The following ZNF362 variants were observed in gnomAD, a reference collection of about 807,000 sequenced individuals.
The protein encoded by ZNF362 is rotund homolog.
Under a neutral mutation model 42.9 loss-of-function variants are expected in ZNF362, and 11 were observed. The ratio of observed to expected loss-of-function variants is 0.26; its 90% CI spans 0.16 to 0.42. The LOEUF (loss-of-function observed/expected upper bound fraction) is 0.42. Ranked by LOEUF, ZNF362 falls within the 20% of genes least tolerant of loss-of-function variation. The pLI, the probability that ZNF362 is intolerant of heterozygous loss-of-function variation, is 1.00. For missense variants in ZNF362, 362 were observed against 576.2 expected, an observed-to-expected ratio of 0.63 and a Z score of 3.81; for synonymous variants, 255 against 257.3, an observed-to-expected ratio of 0.99 and a Z score of 0.09.
the ZNF362 span, among the ~76,000 whole-genome samples, chr1:33,233,595 G>C: frequency 1.1e-4 from 17 of 152,106 alleles, no homozygotes; most frequent in African/African-American, 3.1e-4. Flanking sequence ...GTAGAGACGG[G>C]GTTTCACCAT....
the ZNF362 span, among the ~76,000 whole-genome samples, chr1:33,128,045 A>G: frequency 1.3e-5 from 2 of 152,046 alleles, no homozygotes; most frequent in East Asian, 3.8e-4. Context: ...TCTACCTTAT[A>G]CCATTATTCT....
At chr1:33,136,172 T>TTCCTTCCC in the ZNF362 span, among the ~76,000 whole-genome samples, 291 of 109,968 alleles carry the variant, frequency 2.6e-3, 2 homozygotes, top group African/African-American at 9.0e-3. Context: ...CCTTCCTTCC[T>TTCCTTCCC]TCCCTCCCTC....
chr1:33,203,082 G>T, the ZNF362 span, among the ~76,000 whole-genome samples: 3 of 152,166 alleles, frequency 2.0e-5, no homozygotes. Flanking sequence ...TAGATCTCCA[G>T]ATTTGTTCAT....
At chr1:33,162,913 G>A in the ZNF362 span, 1 of 152,316 alleles carries the variant, frequency 6.6e-6, no homozygotes, top group Admixed American at 6.5e-5. Flanking sequence ...TTTTCTAGCT[G>A]TGGGACTTCA....
chr1:33,152,499 G>A, the ZNF362 span, among the ~76,000 whole-genome samples: 9 of 151,980 alleles, frequency 5.9e-5, no homozygotes, highest in South Asian at 2.1e-4. Flanking sequence ...TCTGGGAGGC[G>A]GAGGTTGTGG....
the ZNF362 span, among the ~76,000 whole-genome samples, chr1:33,154,819 C>T: frequency 9.5e-5 from 14 of 147,070 alleles, no homozygotes; most frequent in South Asian, 4.3e-4. Flanking sequence ...AGTGGCCAGG[C>T]GCGGTGATTC....
At position 33,281,917 on chromosome 1, in the gene ZNF362, C is replaced by A; in HGVS notation, c.908+106C>A. ...GGGGCAAGGACCTTCTCCAGGTGCC[C>A]ATTGCCCTCGGGGTCACGGCCCTTG... On this transcript the variant is annotated intron_variant, in intron 6 of 8. Transcript: ENST00000539719. The surrounding 1 kb of genome is among the most constrained non-coding windows in gnomAD (Gnocchi z 4.8). 1 of 1,219,462 alleles carries A rather than the reference C, an allele frequency of 8.2e-7. No individual in the cohort carries two copies. The highest frequency in any genetic ancestry group is 1.3e-5 in the South Asian group (1 of 74,480). The allele number at this position is 1,219,462 out of a possible 1,614,324, so 75.5% of individuals were successfully genotyped here. A position where few individuals can be genotyped will look rare whatever the true frequency, so the allele number is the denominator to read the frequency against.
the ZNF362 span, among the ~76,000 whole-genome samples, chr1:33,246,697 G>A: frequency 1.3e-5 from 2 of 152,220 alleles, no homozygotes; most frequent in East Asian, 3.8e-4. Flanking sequence ...TCAGTGTTTT[G>A]CAGGCCACGT....
At chr1:33,183,935 TG>T in the ZNF362 span, among the ~76,000 whole-genome samples, 1 of 152,082 alleles carries the variant, frequency 6.6e-6, no homozygotes, top group Non-Finnish European at 1.5e-5. Context: ...ATTGTCACTT[TG>T]CAACCCAGAG....
intron 1 of ZNF362, among the ~76,000 whole-genome samples, chr1:33,262,299 T>C (rs75073545): frequency 2.1e-4 from 1 of 4,752 alleles, no homozygotes; most frequent in South Asian, 8.8e-3. Flanking sequence ...TTAGGATTCT[T>C]TTTTTTTTTT....
chr1:33,230,768 CCAAA>C, the ZNF362 span, among the ~76,000 whole-genome samples: 13 of 152,328 alleles, frequency 8.5e-5, no homozygotes, highest in African/African-American at 3.1e-4. Flanking sequence ...CTTTGTTTAT[CCAAA>C]CAATGGCTGC....
the ZNF362 span, among the ~76,000 whole-genome samples, chr1:33,215,303 A>G: frequency 6.6e-6 from 1 of 152,018 alleles, no homozygotes; most frequent in Admixed American, 6.6e-5. Context: ...AAACAATTGA[A>G]CTCATGAAGA....
In ZNF362 at chr1:33,280,255, C is replaced by G; in HGVS notation, c.481C>G (p.Pro161Ala). ...TSQSRLIASS[P>A]TLISGITSPP... ...CCAGAGCCGCCTCATCGCCTCGTCC[C>G]CCACCCTCATCTCAGGGATCACCAG... The change falls in exon 5 of 9, where the codon CCC (proline) becomes GCC (alanine). Residue 161 changes from proline (P) to alanine (A), a missense_variant. Physicochemically the swap from Pro to Ala is conservative, Grantham distance 27. Coordinates refer to ENST00000539719, the MANE Select transcript of ZNF362 (RefSeq NM_152493.3). The surrounding 1 kb of genome is among the most constrained non-coding windows in gnomAD (Gnocchi z 5.6). The G allele has an allele frequency of 6.2e-7, 1 of 1,614,076 alleles. No homozygotes were observed. The highest frequency in any genetic ancestry group is 8.5e-7 in the Non-Finnish European group (1 of 1,179,932).
chr1:33,240,949 A>G, the ZNF362 span, among the ~76,000 whole-genome samples: 1 of 152,220 alleles, frequency 6.6e-6, no homozygotes, highest in African/African-American at 2.4e-5. Context: ...AGACTTTCCC[A>G]CGCAAAATGA....
At chr1:33,168,199 C>A in the ZNF362 span, among the ~76,000 whole-genome samples, 1 of 152,080 alleles carries the variant, frequency 6.6e-6, no homozygotes, top group Admixed American at 6.6e-5. Context: ...GTTTTGAGAG[C>A]CCATGCTGAT....
chr1:33,239,105 C>T, the ZNF362 span, among the ~76,000 whole-genome samples: 2 of 152,138 alleles, frequency 1.3e-5, no homozygotes, highest in Admixed American at 1.3e-4. Flanking sequence ...CTACTCCATC[C>T]CCCAATTTGT....
the ZNF362 span, chr1:33,181,771 T>G: frequency 7.8e-6 from 1 of 127,972 alleles, no homozygotes; most frequent in Non-Finnish European, 1.4e-5. The surrounding 1 kb of genome is among the most constrained non-coding windows in gnomAD (Gnocchi z 6.5). Flanking sequence ...GGATAGGAGC[T>G]GGGAGAAGGG....
At chr1:33,147,054 G>A in the ZNF362 span, 3 of 1,024,176 alleles carry the variant, frequency 2.9e-6, no homozygotes, top group Middle Eastern at 2.4e-4. The surrounding 1 kb of genome is among the most constrained non-coding windows in gnomAD (Gnocchi z 8.1). Flanking sequence ...AGGCTGGAGG[G>A]TAAACAACTG....
chr1:33,165,522 C>A, the ZNF362 span: 2 of 1,610,872 alleles, frequency 1.2e-6, no homozygotes, highest in African/African-American at 2.7e-5. This position sits in a 1 kb window ranked among gnomAD's most constrained non-coding sequence, Gnocchi z 4.0. Context: ...CGGTGTGTTC[C>A]CGCTCGCTGT....
Sources: allele counts gnomAD v4.1 joint callset (sites outside exome capture counted in the v4.1 genomes callset), GRCh38; gene constraint gnomAD v4.1.1; non-coding constraint Gnocchi (gnomAD v3.1); transcripts MANE v1.5; gene names NCBI Gene and HGNC (gene_info 2026-07-23, HGNC 2026-07-21).